R3HDM1: variants seen among roughly 807,000 people sequenced by gnomAD.
The protein encoded by R3HDM1 is R3H domain-containing protein 1.
A neutral mutation model predicts 141.1 loss-of-function variants in R3HDM1; 46 were observed. The ratio of observed to expected loss-of-function variants is 0.33; its 90% CI spans 0.26 to 0.42. The LOEUF (loss-of-function observed/expected upper bound fraction) is 0.42, where lower values mean the gene tolerates loss of function less well. R3HDM1 is among the 10% of genes least tolerant of loss of function. The pLI, the probability that R3HDM1 is intolerant of heterozygous loss-of-function variation, is 1.00. For synonymous variants in R3HDM1, 435 were observed against 472.9 expected (o/e 0.92, Z 1.04); for missense variants, 1,184 against 1,368.3 (o/e 0.87, Z 2.12).
At chr2:135,668,359 T>C (rs2067834694) in intron 19 of R3HDM1, among the ~76,000 whole-genome samples, 1 of 152,238 alleles carries the variant, frequency 6.6e-6, no homozygotes, top group Non-Finnish European at 1.5e-5. Flanking sequence ...GAGAATATAA[T>C]TCAAAATTAT....
intron 1 of R3HDM1, chr2:135,559,098 CGT>C (rs368028032): frequency 9.5e-4 from 715 of 752,686 alleles, no homozygotes; most frequent in Middle Eastern, 1.5e-3. Flanking sequence ...TGTGTGCATG[CGT>C]GTGTGTGTGT....
chr2:135,586,944 CT>C, intron 1 of R3HDM1: 1 of 985,128 alleles, frequency 1.0e-6, no homozygotes, highest in Non-Finnish European at 1.2e-6. Context: ...GTGAATGAGA[CT>C]TTTGGAAATT....
intron 21 of R3HDM1, among the ~76,000 whole-genome samples, chr2:135,707,037 C>T (rs1052788824): frequency 2.0e-5 from 3 of 151,774 alleles, no homozygotes; most frequent in South Asian, 2.1e-4. Flanking sequence ...CTGGACGGGG[C>T]GGCTGGCTGG....
At chr2:135,581,111 A>C in intron 1 of R3HDM1, 1 of 846,784 alleles carries the variant, frequency 1.2e-6, no homozygotes, top group Non-Finnish European at 1.4e-6. Flanking sequence ...ATTAGAAGGC[A>C]GCAGAACCAT....
At chr2:135,620,147 A>G in intron 5 of R3HDM1, 1 of 210,608 alleles carries the variant, frequency 4.7e-6, no homozygotes, top group Non-Finnish European at 8.2e-6. Context: ...GAAATCTGCT[A>G]GTTACTGGAA....
At chr2:135,559,050 AGT>A (rs10684618) in intron 1 of R3HDM1, 52,589 of 838,954 alleles carry the variant, frequency 0.063, 318 homozygotes, top group East Asian at 0.11. Flanking sequence ...GATTCCACAA[AGT>A]GTGTGTGTGT....
At chr2:135,632,747 C>G (rs1394348628) in intron 9 of R3HDM1, among the ~76,000 whole-genome samples, 2 of 152,146 alleles carry the variant, frequency 1.3e-5, no homozygotes, top group African/African-American at 2.4e-5. Flanking sequence ...ATTTGCCTAT[C>G]GAAAGGAATT....
In R3HDM1 at chr2:135,653,804, T is replaced by A. The variant is rs554400962; in HGVS notation, c.2028+1772T>A. Among the ~76,000 whole-genome samples the A allele has an allele frequency of 3.9e-5, 6 of 152,288 alleles. No homozygotes were observed. In the South Asian group the frequency reaches 1.2e-3, roughly 32 times the overall value. On this transcript the variant is annotated intron_variant, in intron 18 of 26. Coordinates refer to ENST00000683871, the MANE Select transcript of R3HDM1 (RefSeq NM_001378107.1). ...TTAGCTGGGTGTGGTGGTGCGCACATGTAATCCTAGCTACTCGGTAGCGTG... is the reference window on the plus strand; with the variant it reads ...TTAGCTGGGTGTGGTGGTGCGCACAAGTAATCCTAGCTACTCGGTAGCGTG...
At chr2:135,649,811 A>G in intron 16 of R3HDM1, 91 bp from the exon 17 acceptor site, 3 of 715,156 alleles carry the variant, frequency 4.2e-6, no homozygotes, top group Admixed American at 4.7e-5. Flanking sequence ...AGTTAAAGCT[A>G]TTGCCAAAAA....
intron 21 of R3HDM1, among the ~76,000 whole-genome samples, chr2:135,699,021 A>AGATC (rs2073751618): frequency 1.7e-5 from 2 of 120,100 alleles, no homozygotes; most frequent in Non-Finnish European, 4.0e-5. Flanking sequence ...ATAGATAGAT[A>AGATC]GATAGATAGA....
chr2:135,558,938 G>A (rs937081633), intron 1 of R3HDM1: 1 of 852,982 alleles, frequency 1.2e-6, no homozygotes, highest in African/African-American at 1.8e-5. Context: ...AAGTCAAAAT[G>A]TAATTTAAAA....
intron 21 of R3HDM1, among the ~76,000 whole-genome samples, chr2:135,699,063 T>TAGATG (rs1214720077): frequency 7.7e-5 from 6 of 78,364 alleles, no homozygotes; most frequent in Non-Finnish European, 1.7e-4. Flanking sequence ...TAAGATAGAT[T>TAGATG]GATTAGATAG....
At position 135,616,686 on chromosome 2, in the gene R3HDM1, C is replaced by G; in HGVS notation, c.232C>G (p.Leu78Val). 6.2e-7 allele frequency: 1 copy of G among 1,606,836 alleles called. No individual in the cohort carries two copies. The highest frequency in any genetic ancestry group is 8.5e-7 in the Non-Finnish European group (1 of 1,175,260). The change falls in exon 5 of 27, where the codon CTA (leucine) becomes GTA (valine). Residue 78 changes from leucine to valine, a missense_variant. By Grantham distance (32) the Leu-to-Val change is conservative. Coordinates refer to ENST00000683871, the MANE Select transcript of R3HDM1 (RefSeq NM_001378107.1). The stretch of plus-strand genomic sequence containing the variant: ...TCTTTAGTCAAGCTCAAAGTTAAAG[C>G]TAGTTCGGAGCCTTGCAGTGTGTGA... Reference protein sequence around the residue: ...KRSKSSSKLKLVRSLAVCEES... With the variant: ...KRSKSSSKLKVVRSLAVCEES...
At chr2:135,701,016 A>G (rs2074121221) in intron 21 of R3HDM1, among the ~76,000 whole-genome samples, 1 of 152,146 alleles carries the variant, frequency 6.6e-6, no homozygotes, top group Non-Finnish European at 1.5e-5. Flanking sequence ...AGGCACAGTG[A>G]TAGATTAATA....
At chr2:135,587,483 T>C (rs912100158) in intron 1 of R3HDM1, among the ~76,000 whole-genome samples, 5 of 152,218 alleles carry the variant, frequency 3.3e-5, no homozygotes, top group East Asian at 3.8e-4. Context: ...ATGTCATTGC[T>C]CTTTCTTTTG....
intron 1 of R3HDM1, among the ~76,000 whole-genome samples, chr2:135,552,286 C>A (rs1431589389): frequency 6.6e-6 from 1 of 152,010 alleles, no homozygotes; most frequent in Non-Finnish European, 1.5e-5. Context: ...ACCTCTGCCT[C>A]CCGAGTTCAA....
intron 3 of R3HDM1, 101 bp from the exon 4 acceptor site, chr2:135,616,051 T>A: frequency 1.7e-6 from 2 of 1,178,438 alleles, no homozygotes; most frequent in Non-Finnish European, 2.5e-6. Context: ...CTTTTCATAC[T>A]TTATGCACAG....
At chr2:135,595,245 G>T (rs1290376462) in intron 1 of R3HDM1, among the ~76,000 whole-genome samples, 2 of 152,154 alleles carry the variant, frequency 1.3e-5, no homozygotes, top group Non-Finnish European at 2.9e-5. Flanking sequence ...TTTAGTGGTA[G>T]CAAGCACTAC....
Position 135,714,368 on chromosome 2 carries a change from T to C in R3HDM1, c.2737-1182T>C, listed in dbSNP as rs1251282071. Among the ~76,000 whole-genome samples, 5 of 152,134 alleles carry C rather than the reference T, an allele frequency of 3.3e-5. No homozygotes were observed. In the East Asian group the frequency reaches 9.6e-4, roughly 29 times the overall value. The stretch of plus-strand genomic sequence containing the variant: ...ATTGAGGGACAGTCTACAAAATAAC[T>C]GATCTTCCAAAACAAATCTTCAGAA... On this transcript the variant is annotated intron_variant, in intron 23 of 26. Transcript: ENST00000683871.
Sources: allele counts gnomAD v4.1 joint callset (sites outside exome capture counted in the v4.1 genomes callset), GRCh38; gene constraint gnomAD v4.1.1; transcripts MANE v1.5; gene names NCBI Gene and HGNC (gene_info 2026-07-23, HGNC 2026-07-21).